Variants in ATPSCKMT observed in about 807,000 individuals in gnomAD.
ATPSCKMT encodes the protein ATP synthase c subunit lysine N-methyltransferase, also known as ATP synthase subunit C lysine N-methyltransferase.
ATPSCKMT carries 24 observed loss-of-function variants against 24.3 expected under a neutral mutation model. That is an observed-to-expected ratio of 0.99 (90% CI 0.71 to 1.39). The LOEUF (loss-of-function observed/expected upper bound fraction) is 1.39, where lower values mean the gene tolerates loss of function less well. ATPSCKMT is among the 40% of genes most tolerant of loss of function. The pLI, the probability that ATPSCKMT is intolerant of heterozygous loss-of-function variation, is 0.00. For missense variants in ATPSCKMT, 311 were observed against 298.4 expected, an observed-to-expected ratio of 1.04 and a Z score of -0.31; for synonymous variants, 95 against 110.5, an observed-to-expected ratio of 0.86 and a Z score of 0.88.
At chr5:10,245,759 A>G (rs185118260) in intron 1 of ATPSCKMT, among the ~76,000 whole-genome samples, 22 of 152,216 alleles carry the variant, frequency 1.4e-4, no homozygotes, top group Admixed American at 4.6e-4. Flanking sequence ...AAAAAAAAAA[A>G]AAGATTTTGC....
Position 10,227,508 on chromosome 5 carries a change from C to A in ATPSCKMT, c.635G>T (p.Ser212Ile). The A allele has an allele frequency of 1.2e-6, 2 of 1,614,182 alleles. No homozygotes were observed. Among genetic ancestry groups the A allele is most frequent in the Non-Finnish European group, 1.7e-6 (2 of 1,180,040 alleles). Residue 212 changes from serine to isoleucine, a missense_variant, in exon 5 of 5, where the codon AGC (serine) becomes ATC (isoleucine). Physicochemically the swap from Ser to Ile is moderately radical, Grantham distance 142. Coordinates refer to ENST00000511437, the MANE Select transcript of ATPSCKMT (RefSeq NM_199133.4). Reference protein sequence around the residue: ...GIDTVWAYDASTFRGREKRPC... With the variant: ...GIDTVWAYDAITFRGREKRPC... Reference sequence around the variant, plus strand: ...CCTCTTTTCACGGCCTCTAAAAGTGCTTGCATCATATGCCCACACTGTGTC... The same window carrying A: ...CCTCTTTTCACGGCCTCTAAAAGTGATTGCATCATATGCCCACACTGTGTC...
At position 10,227,692 on chromosome 5, in the gene ATPSCKMT, G is replaced by A. The variant is rs756755073; in HGVS notation, c.496-45C>T. The A allele has an allele frequency of 4.5e-6, 7 of 1,572,928 alleles. No individual in the cohort carries two copies. In the African/African-American group the frequency reaches 8.4e-5, roughly 19 times the overall value. ...TTATTTTAGTGAGCAGTGAGTCAGA[G>A]GAAATGATCCCAAAATTTCCTGTTT... On this transcript the variant is annotated intron_variant, in intron 4 of 4. Transcript: ENST00000511437.
chr5:10,243,293 G>A (rs1561033984), intron 1 of ATPSCKMT, among the ~76,000 whole-genome samples: 2 of 152,164 alleles, frequency 1.3e-5, no homozygotes, highest in South Asian at 2.1e-4. Flanking sequence ...AGACCAGTCT[G>A]ACCAACATGG....
chr5:10,249,835 C>T (rs764989850), intron 1 of ATPSCKMT, 23 bp downstream of exon 1: 1 of 1,563,572 alleles, frequency 6.4e-7, no homozygotes, highest in Non-Finnish European at 8.6e-7. Context: ...CCCCAGGAAC[C>T]CGCCAAGCCG....
chr5:10,237,019 A>C (rs1178279122), intron 2 of ATPSCKMT: 1 of 1,295,582 alleles, frequency 7.7e-7, no homozygotes, highest in Non-Finnish European at 1.0e-6. Flanking sequence ...GTGAACAAGT[A>C]ATAATATGCA....
At chr5:10,236,320 G>T in intron 3 of ATPSCKMT, 158 bp downstream of exon 3, 2 of 912,576 alleles carry the variant, frequency 2.2e-6, no homozygotes, top group Non-Finnish European at 3.1e-6. Context: ...GAGACTATTT[G>T]TAAAACGTAT....
intron 4 of ATPSCKMT, among the ~76,000 whole-genome samples, chr5:10,231,739 C>G (rs1744148244): frequency 6.6e-6 from 1 of 152,154 alleles, no homozygotes; most frequent in Non-Finnish European, 1.5e-5. Context: ...ATATGAGCAC[C>G]TGGGGCAGGT....
intron 4 of ATPSCKMT, among the ~76,000 whole-genome samples, chr5:10,229,122 T>C (rs554056936): frequency 4.9e-4 from 74 of 152,246 alleles, no homozygotes; most frequent in Non-Finnish European, 9.0e-4. Flanking sequence ...AAATTTAACA[T>C]TGTATTCCAA....
At chr5:10,229,864 TG>T (rs1744043564) in intron 4 of ATPSCKMT, among the ~76,000 whole-genome samples, 1 of 152,256 alleles carries the variant, frequency 6.6e-6, no homozygotes, top group Non-Finnish European at 1.5e-5. Context: ...CTCTTGCCGC[TG>T]GCTTCTCTGT....
chr5:10,227,599 G>A lies in ATPSCKMT; in HGVS notation c.544C>T (p.Arg182Ter), dbSNP rs200658616. Residue 182 changes from arginine to a stop codon, truncating the protein, a stop_gained, in exon 5 of 5, where the codon CGA (arginine) becomes TGA (stop). Transcript: ENST00000511437. LOFTEE classifies it low-confidence loss of function (END_TRUNC). Reference sequence around the variant, plus strand: ...AAAGGGAACCGGCAAGCAATAACTCGTGCATCATCCTCAAGTTCACGTTCA... The same window carrying A: ...AAAGGGAACCGGCAAGCAATAACTCATGCATCATCCTCAAGTTCACGTTCA... ...KLERELEDDA[R>*]VIACRFPFPH... is the part of the protein sequence containing the mutation. 6,194 of 1,614,160 alleles carry A rather than the reference G, an allele frequency of 3.8e-3. 23 individuals carry two copies. The highest frequency in any genetic ancestry group is 4.5e-3 in the Non-Finnish European group (5,256 of 1,180,036).
chr5:10,245,281 A>G (rs548748921), intron 1 of ATPSCKMT, among the ~76,000 whole-genome samples: 81 of 151,840 alleles, frequency 5.3e-4, no homozygotes, highest in Non-Finnish European at 8.7e-4. Context: ...TTAGCCGGGC[A>G]TGGTGGTGGG....
chr5:10,237,046 A>G (rs753744329), intron 2 of ATPSCKMT: 1 of 1,285,840 alleles, frequency 7.8e-7, no homozygotes, highest in Non-Finnish European at 1.0e-6. Context: ...ATAACCTGTC[A>G]ATGAAAAATC....
chr5:10,243,570 T>C (rs1260630018), intron 1 of ATPSCKMT, among the ~76,000 whole-genome samples: 1 of 152,364 alleles, frequency 6.6e-6, no homozygotes, highest in East Asian at 1.9e-4. Context: ...GGCTTCTCCA[T>C]CAGCACTTGC....
At chr5:10,228,858 G>A (rs1369507669) in intron 4 of ATPSCKMT, among the ~76,000 whole-genome samples, 1 of 152,096 alleles carries the variant, frequency 6.6e-6, no homozygotes, top group Non-Finnish European at 1.5e-5. Context: ...CTGAACTCAT[G>A]AGCTCAAGCC....
chr5:10,237,004 G>C, intron 2 of ATPSCKMT: 2 of 1,303,586 alleles, frequency 1.5e-6, no homozygotes, highest in Non-Finnish European at 2.0e-6. Context: ...TGGGAGGATG[G>C]TTTTGTGAAC....
intron 4 of ATPSCKMT, among the ~76,000 whole-genome samples, chr5:10,234,009 T>C (rs1744267373): frequency 6.6e-6 from 1 of 152,156 alleles, no homozygotes; most frequent in Non-Finnish European, 1.5e-5. Flanking sequence ...GAATTATAAA[T>C]GTACAGGATA....
At chr5:10,233,344 A>G (rs368288635) in intron 4 of ATPSCKMT, among the ~76,000 whole-genome samples, 1 of 152,078 alleles carries the variant, frequency 6.6e-6, no homozygotes, top group South Asian at 2.1e-4. Context: ...CCAAACCAAC[A>G]GAAGCCATCC....
chr5:10,249,776 G>T (rs1270392767), intron 1 of ATPSCKMT, 82 bp downstream of exon 1: 2 of 1,515,200 alleles, frequency 1.3e-6, no homozygotes, highest in South Asian at 1.3e-5. Context: ...CGACAGTGGA[G>T]ACCTCAGCTG....
chr5:10,245,236 C>T (rs1022240843), intron 1 of ATPSCKMT, among the ~76,000 whole-genome samples: 5 of 151,732 alleles, frequency 3.3e-5, no homozygotes, highest in Admixed American at 2.6e-4. Context: ...CTGGCTAACA[C>T]AGTGAAACCC....
Sources: gnomAD v4.1 joint callset for allele counts (sites outside exome capture counted in the v4.1 genomes callset) on GRCh38, gnomAD v4.1.1 for gene constraint, MANE v1.5 for transcripts, NCBI Gene and HGNC (gene_info 2026-07-23, HGNC 2026-07-21) for gene names.